Variants in MTCL2 observed in about 807,000 individuals in gnomAD.
The protein encoded by MTCL2 is microtubule cross-linking factor 2.
At chr20:36,793,388 G>A in the MTCL2 span, 7 of 1,551,696 alleles carry the variant, frequency 4.5e-6, no homozygotes, top group South Asian at 7.1e-5. This position sits in a 1 kb window ranked among gnomAD's most constrained non-coding sequence, Gnocchi z 6.8. Flanking sequence ...CACACCCTCT[G>A]GCTGATGGTA....
the MTCL2 span, chr20:36,782,335 GC>G: frequency 6.6e-6 from 1 of 152,338 alleles, no homozygotes; most frequent in Non-Finnish European, 1.5e-5. Context: ...CCCACCAAAA[GC>G]CCCCAGCAGG....
the MTCL2 span, among the ~76,000 whole-genome samples, chr20:36,844,095 G>T: frequency 6.6e-6 from 1 of 151,986 alleles, no homozygotes; most frequent in Non-Finnish European, 1.5e-5. Flanking sequence ...AATTAGCCGG[G>T]CGTGGTGGTG....
At chr20:36,841,208 C>T in the MTCL2 span, among the ~76,000 whole-genome samples, 2 of 149,532 alleles carry the variant, frequency 1.3e-5, no homozygotes, top group African/African-American at 4.9e-5. Context: ...TGGTTCACGC[C>T]TGTAATCCCA....
the MTCL2 span, among the ~76,000 whole-genome samples, chr20:36,786,903 A>G: frequency 6.6e-6 from 1 of 152,228 alleles, no homozygotes; most frequent in African/African-American, 2.4e-5. Context: ...GAGATTCTTA[A>G]CATACATTTA....
chr20:36,863,449 G>T, the MTCL2 span: 2 of 854,892 alleles, frequency 2.3e-6, no homozygotes, highest in African/African-American at 1.8e-5. This position sits in a 1 kb window ranked among gnomAD's most constrained non-coding sequence, Gnocchi z 6.2. Context: ...TGGGGCTGCG[G>T]CTGCTCTCGG....
At chr20:36,806,693 T>C in the MTCL2 span, among the ~76,000 whole-genome samples, 1 of 152,140 alleles carries the variant, frequency 6.6e-6, no homozygotes, top group Non-Finnish European at 1.5e-5. Context: ...CTAATTTTTG[T>C]ATTTTTAGTA....
At chr20:36,816,317 CAG>C in the MTCL2 span, 5 of 1,552,186 alleles carry the variant, frequency 3.2e-6, no homozygotes, top group Non-Finnish European at 4.3e-6. Flanking sequence ...CCTGGGACCA[CAG>C]AGACAGACAC....
chr20:36,813,752 C>CAAAAAAAAAAAAAAAAA, the MTCL2 span, among the ~76,000 whole-genome samples: 7 of 65,828 alleles, frequency 1.1e-4, no homozygotes, highest in East Asian at 5.7e-4. Flanking sequence ...GACTCTGTCT[C>CAAAAAAAAAAAAAAAAA]AAAAAAAAAA....
chr20:36,856,863 C>G, the MTCL2 span, among the ~76,000 whole-genome samples: 31 of 151,898 alleles, frequency 2.0e-4, no homozygotes. Context: ...TGTGTGCGTG[C>G]GCGCACGTGT....
the MTCL2 span, among the ~76,000 whole-genome samples, chr20:36,861,987 C>A: frequency 6.6e-6 from 1 of 152,224 alleles, no homozygotes; most frequent in African/African-American, 2.4e-5. Context: ...GTTGTGTGCA[C>A]AAGGTCTGCC....
chr20:36,815,674 G>T, the MTCL2 span: 1 of 1,607,726 alleles, frequency 6.2e-7, no homozygotes. The surrounding 1 kb of genome is among the most constrained non-coding windows in gnomAD (Gnocchi z 5.3). Flanking sequence ...TCGTACTGCA[G>T]CTTCTTGACC....
At chr20:36,838,872 G>A in the MTCL2 span, among the ~76,000 whole-genome samples, 1 of 152,098 alleles carries the variant, frequency 6.6e-6, no homozygotes, top group African/African-American at 2.4e-5. Context: ...GGAGGCTGAG[G>A]CAAGAGAAAT....
At chr20:36,862,642 A>T in the MTCL2 span, 1 of 1,482,488 alleles carries the variant, frequency 6.7e-7, no homozygotes. Context: ...CTCCCTTTCT[A>T]CCCGGGCGCC....
At chr20:36,813,046 G>A in the MTCL2 span, among the ~76,000 whole-genome samples, 1 of 152,222 alleles carries the variant, frequency 6.6e-6, no homozygotes, top group Non-Finnish European at 1.5e-5. Context: ...ATGAATGTTT[G>A]CTGAAAGGAT....
the MTCL2 span, among the ~76,000 whole-genome samples, chr20:36,846,311 T>C: frequency 6.6e-6 from 1 of 151,950 alleles, no homozygotes; most frequent in Non-Finnish European, 1.5e-5. Flanking sequence ...CCTCAGAGCC[T>C]TGGGGCCCCT....
the MTCL2 span, chr20:36,785,179 C>T: frequency 1.0e-6 from 1 of 985,390 alleles, no homozygotes; most frequent in Non-Finnish European, 1.2e-6. Flanking sequence ...GGGTGCAGGG[C>T]TCCAGCTCTG....
the MTCL2 span, among the ~76,000 whole-genome samples, chr20:36,805,214 T>C: frequency 1.3e-5 from 2 of 152,216 alleles, no homozygotes; most frequent in Non-Finnish European, 2.9e-5. Context: ...CCGTGGGTCC[T>C]TCTCCTCACT....
At chr20:36,815,911 C>A in the MTCL2 span, 1 of 1,611,624 alleles carries the variant, frequency 6.2e-7, no homozygotes, top group South Asian at 1.1e-5. The surrounding 1 kb of genome is among the most constrained non-coding windows in gnomAD (Gnocchi z 5.3). Context: ...CGCCGCAGCT[C>A]TGCCAAGCTC....
chr20:36,790,700 G>T, the MTCL2 span, among the ~76,000 whole-genome samples: 2 of 150,478 alleles, frequency 1.3e-5, no homozygotes, highest in African/African-American at 4.9e-5. Context: ...GCCTCCCAAA[G>T]TGCTAGGATT....
Sources: allele counts gnomAD v4.1 joint callset (sites outside exome capture counted in the v4.1 genomes callset), GRCh38; gene constraint gnomAD v4.1.1; non-coding constraint Gnocchi (gnomAD v3.1); transcripts MANE v1.5; gene names NCBI Gene and HGNC (gene_info 2026-07-23, HGNC 2026-07-21).